Variants in TTC27 observed in about 807,000 individuals in gnomAD.
TTC27 encodes tetratricopeptide repeat protein 27.
A neutral mutation model predicts 115.9 loss-of-function variants in TTC27; 79 were observed. The ratio of observed to expected loss-of-function variants is 0.68; its 90% CI spans 0.57 to 0.82. The LOEUF is 0.82. Among genes scored for constraint, TTC27 ranks in the 40% least tolerant of loss-of-function variants. The pLI is 0.00. For synonymous variants in TTC27, 401 were observed against 356.0 expected, an observed-to-expected ratio of 1.13 and a Z score of -1.42; for missense variants, 1,054 against 993.1, an observed-to-expected ratio of 1.06 and a Z score of -0.82.
chr2:32,815,780 T>C (rs1671483468), intron 18 of TTC27, among the ~76,000 whole-genome samples: 1 of 152,204 alleles, frequency 6.6e-6, no homozygotes, highest in African/African-American at 2.4e-5. Flanking sequence ...AACAGATTAA[T>C]AATCCCCGCT....
intron 5 of TTC27, among the ~76,000 whole-genome samples, chr2:32,660,113 C>G (rs1665481738): frequency 6.6e-6 from 1 of 152,144 alleles, no homozygotes; most frequent in South Asian, 2.1e-4. Context: ...AATGGTTGAA[C>G]TAATTTACAT....
intron 5 of TTC27, among the ~76,000 whole-genome samples, chr2:32,654,796 T>C (rs1239859130): frequency 2.0e-5 from 3 of 149,714 alleles, no homozygotes; most frequent in African/African-American, 7.4e-5. Context: ...CCCGGGTTCA[T>C]GAGATTCTCC....
chr2:32,688,728 A>G (rs1572517070), intron 9 of TTC27, among the ~76,000 whole-genome samples: 2 of 152,252 alleles, frequency 1.3e-5, no homozygotes, highest in East Asian at 1.9e-4. Context: ...TACATTACTG[A>G]AAAGACTTAC....
At chr2:32,644,782 G>A (rs555517567) in intron 4 of TTC27, among the ~76,000 whole-genome samples, 93 of 150,084 alleles carry the variant, frequency 6.2e-4, no homozygotes, top group African/African-American at 2.2e-3. Flanking sequence ...TTTTCCTGTG[G>A]GTCTTTACTA....
chr2:32,705,518 G>C (rs1667337878), intron 10 of TTC27, among the ~76,000 whole-genome samples: 1 of 147,266 alleles, frequency 6.8e-6, no homozygotes, highest in South Asian at 2.4e-4. Flanking sequence ...CTAACGAGGA[G>C]GTTTTAGCAT....
In TTC27 at chr2:32,815,483, C is replaced by T. The variant is rs371542539; in HGVS notation, c.2309-1974C>T. ...CAATCTCCTTACCTTGTGATCCGCCCGCCTCAGCCTCCCAAAGTGCTGGCA... is the reference window on the plus strand; with the variant it reads ...CAATCTCCTTACCTTGTGATCCGCCTGCCTCAGCCTCCCAAAGTGCTGGCA... On this transcript the variant is annotated intron_variant, in intron 18 of 19. Coordinates refer to ENST00000317907, the MANE Select transcript of TTC27 (RefSeq NM_017735.5). 3.3e-5 allele frequency among the ~76,000 whole-genome samples: 5 copies of T among 151,908 alleles called. No individual in the cohort carries two copies. The East Asian group carries it at 5.8e-4, about 18-fold the overall frequency.
rs768741456 is a variant in TTC27, at chr2:32,742,740, C to T, written c.1452+5924C>T. On this transcript the variant is annotated intron_variant, in intron 12 of 19. Coordinates refer to ENST00000317907, the MANE Select transcript of TTC27 (RefSeq NM_017735.5). Reference sequence around the variant, plus strand: ...TCATCTTTATGTACTGTATTGAGGACGTAGAGCACCTTTCAGTGGTCAGTC... The same window carrying T: ...TCATCTTTATGTACTGTATTGAGGATGTAGAGCACCTTTCAGTGGTCAGTC... 3.3e-5 allele frequency among the ~76,000 whole-genome samples: 5 copies of T among 152,072 alleles called. No homozygotes were observed. The East Asian group carries it at 5.8e-4, about 18-fold the overall frequency.
In TTC27 at chr2:32,817,478, A is replaced by C; in HGVS notation, c.2330A>C (p.Asn777Thr). The C allele has an allele frequency of 6.2e-7, 1 of 1,614,102 alleles. No homozygotes were observed. The highest frequency in any genetic ancestry group is 8.5e-7 in the Non-Finnish European group (1 of 1,179,976). ...CCAGTGGCCATAAAATGCAGTAAAA[A>C]CAAATCCAGTTCCCAAGAAGCTGTA... ...LAHVAIKCSK[N>T]KSSSQEAVQM... The change falls in exon 19 of 20, where the codon AAC becomes ACC. Residue 777 changes from asparagine to threonine, a missense_variant. Physicochemically the swap from Asn to Thr is moderately conservative, Grantham distance 65. Transcript: ENST00000317907.
intron 5 of TTC27, among the ~76,000 whole-genome samples, chr2:32,657,249 G>T (rs560283259): frequency 1.3e-5 from 2 of 151,982 alleles, no homozygotes; most frequent in South Asian, 2.1e-4. Context: ...TGAAGTTCAC[G>T]TTAGGATGCC....
intron 13 of TTC27, among the ~76,000 whole-genome samples, chr2:32,777,331 C>A (rs890486470): frequency 6.6e-6 from 1 of 152,218 alleles, no homozygotes; most frequent in Admixed American, 6.5e-5. Flanking sequence ...CGTCACCGCC[C>A]CCAACCCCAA....
At position 32,777,925 on chromosome 2, in the gene TTC27, A is replaced by C; in HGVS notation, c.1724A>C (p.Glu575Ala). 6.2e-7 allele frequency: 1 copy of C among 1,614,008 alleles called. No individual in the cohort carries two copies. The highest frequency in any genetic ancestry group is 1.1e-5 in the South Asian group (1 of 91,064). The change falls in exon 14 of 20, where the codon GAA (glutamate) becomes GCA (alanine). Residue 575 changes from glutamate to alanine, a missense_variant. Transcript: ENST00000317907. ...FSLGCAYLALEDYQGSAKAFQ... is the reference protein window; with the variant it reads ...FSLGCAYLALADYQGSAKAFQ... ...CTCGGTTGTGCCTATTTGGCCTTGG[A>C]AGACTATCAAGGTTCAGCAAAGGCA... is the stretch of plus-strand genomic sequence containing the variant.
chr2:32,663,189 C>T (rs2151878310), intron 5 of TTC27, among the ~76,000 whole-genome samples: 1 of 152,230 alleles, frequency 6.6e-6, no homozygotes, highest in South Asian at 2.1e-4. Flanking sequence ...GTGAATGGTT[C>T]TATCTTGCTG....
At chr2:32,631,313 C>G (rs1334132692) in intron 2 of TTC27, among the ~76,000 whole-genome samples, 2 of 151,766 alleles carry the variant, frequency 1.3e-5, no homozygotes, top group East Asian at 1.9e-4. Context: ...AAAAAAAAAC[C>G]AAAAAACAAA....
intron 2 of TTC27, among the ~76,000 whole-genome samples, 188 bp from the exon 3 acceptor site, chr2:32,633,688 A>C (rs1331648581): frequency 6.6e-6 from 1 of 152,136 alleles, no homozygotes; most frequent in Admixed American, 6.5e-5. Flanking sequence ...ACAGGCATGA[A>C]CCACTGTGCC....
At chr2:32,793,321 A>G (rs6717006) in intron 16 of TTC27, among the ~76,000 whole-genome samples, 63,381 of 151,990 alleles carry the variant, frequency 0.42, 13,595 homozygotes, top group South Asian at 0.57. Context: ...AAAGTGAGAG[A>G]GAAATTAAGG....
At chr2:32,677,458 CT>C (rs1199296507) in intron 8 of TTC27, among the ~76,000 whole-genome samples, 2 of 150,824 alleles carry the variant, frequency 1.3e-5, no homozygotes, top group African/African-American at 2.4e-5. Context: ...CTGTTTTCTT[CT>C]TTTTTTTTGA....
intron 16 of TTC27, among the ~76,000 whole-genome samples, chr2:32,808,537 AC>A (rs1671213511): frequency 6.6e-6 from 1 of 151,578 alleles, no homozygotes; most frequent in African/African-American, 2.4e-5. Flanking sequence ...TCCCCTGTCT[AC>A]CCCCCACAAC....
chr2:32,657,729 C>A (rs1280401819), intron 5 of TTC27, among the ~76,000 whole-genome samples: 2 of 152,140 alleles, frequency 1.3e-5, no homozygotes, highest in African/African-American at 4.8e-5. Flanking sequence ...TACCCCTTTC[C>A]CCTACAAGCT....
Position 32,769,302 on chromosome 2 carries a change from A to C in TTC27, c.1681-8580A>C, listed in dbSNP as rs117236110. ...AGCAAATGTCAGCGAGTTATGTCACATGTAGTGATAAAGTGCAGAGGGCTA... is the reference window on the plus strand; with the variant it reads ...AGCAAATGTCAGCGAGTTATGTCACCTGTAGTGATAAAGTGCAGAGGGCTA... On this transcript the variant is annotated intron_variant, in intron 13 of 19. Transcript: ENST00000317907. Among the ~76,000 whole-genome samples the C allele has an allele frequency of 2.1e-3, 322 of 152,344 alleles. 5 individuals are homozygous for C. In the East Asian group the frequency reaches 0.04, roughly 19 times the overall value.
Sources: allele counts gnomAD v4.1 joint callset (sites outside exome capture counted in the v4.1 genomes callset), GRCh38; gene constraint gnomAD v4.1.1; transcripts MANE v1.5; gene names NCBI Gene and HGNC (gene_info 2026-07-23, HGNC 2026-07-21).